Variants in TAOK1 observed in about 807,000 individuals in gnomAD.
The protein encoded by TAOK1 is serine/threonine-protein kinase TAO1.
Under a neutral mutation model 138.3 loss-of-function variants are expected in TAOK1, and 21 were observed. That is an observed-to-expected ratio of 0.15 (90% CI 0.11 to 0.22). TAOK1 has a LOEUF of 0.22. Among genes scored for constraint, TAOK1 ranks in the 10% least tolerant of loss-of-function variants. The pLI is 1.00. For missense variants in TAOK1, 651 were observed against 1,227.7 expected (o/e 0.53, Z 7.02); for synonymous variants, 361 against 398.4 (o/e 0.91, Z 1.12).
intron 1 of TAOK1, among the ~76,000 whole-genome samples, chr17:29,405,984 C>T (rs984507709): frequency 6.6e-6 from 1 of 152,018 alleles, no homozygotes; most frequent in African/African-American, 2.4e-5. Flanking sequence ...TGCCAGTATA[C>T]AGAAATCAGT....
intron 1 of TAOK1, among the ~76,000 whole-genome samples, chr17:29,397,625 T>TAC (rs1567706666): frequency 2.9e-4 from 18 of 62,498 alleles, no homozygotes; most frequent in Middle Eastern, 8.1e-3. Context: ...TATATATATA[T>TAC]ATATACATGT....
chr17:29,494,223 T>C (rs575282239), intron 10 of TAOK1, among the ~76,000 whole-genome samples: 4 of 152,198 alleles, frequency 2.6e-5, no homozygotes, highest in Middle Eastern at 3.4e-3. Flanking sequence ...ATAATACTTA[T>C]GACTGTGAAA....
chr17:29,395,435 G>A (rs1904563729), intron 1 of TAOK1, among the ~76,000 whole-genome samples: 1 of 152,186 alleles, frequency 6.6e-6, no homozygotes, highest in African/African-American at 2.4e-5. Flanking sequence ...GGAGGCTGAG[G>A]CAGGAGAATC....
intron 17 of TAOK1, among the ~76,000 whole-genome samples, chr17:29,525,895 G>T (rs1224451758): frequency 1.3e-5 from 2 of 152,240 alleles, no homozygotes; most frequent in Non-Finnish European, 2.9e-5. Flanking sequence ...TACTTGGGAG[G>T]TTGAGGCAGG....
intron 1 of TAOK1, among the ~76,000 whole-genome samples, chr17:29,442,253 T>A (rs1256939333): frequency 1.3e-5 from 2 of 151,968 alleles, no homozygotes; most frequent in African/African-American, 4.8e-5. Context: ...CCTAGTTTGC[T>A]TAGGCTGGTC....
intron 1 of TAOK1, among the ~76,000 whole-genome samples, chr17:29,408,988 C>T (rs757663378): frequency 2.6e-5 from 4 of 152,072 alleles, no homozygotes; most frequent in Non-Finnish European, 5.9e-5. Flanking sequence ...GCTGGGATTA[C>T]AGGCATGAGC....
intron 17 of TAOK1, among the ~76,000 whole-genome samples, chr17:29,528,809 C>T (rs1176208462): frequency 7.7e-6 from 1 of 130,020 alleles, no homozygotes; most frequent in African/African-American, 3.1e-5. Flanking sequence ...CACTGCACTC[C>T]AGCCTGAGCA....
chr17:29,447,952 G>A (rs2030133866), intron 1 of TAOK1, among the ~76,000 whole-genome samples: 4 of 120,980 alleles, frequency 3.3e-5, no homozygotes, highest in Admixed American at 2.7e-4. Context: ...CACTGCACCT[G>A]GTCTTTTTTT....
At chr17:29,536,565 A>G (rs2150776097) in intron 19 of TAOK1, among the ~76,000 whole-genome samples, 1 of 151,716 alleles carries the variant, frequency 6.6e-6, no homozygotes, top group South Asian at 2.1e-4. Flanking sequence ...ACGCCACTGC[A>G]CTCCAGCCTG....
In TAOK1 at chr17:29,542,549, A is replaced by C. The variant is rs376522600; in HGVS notation, c.2545-12A>C. ...ATAAATTGGCTTTCATTTTTCTTCC[A>C]ATCTCCAACAGATTGAAGAAGAGAT... On this transcript the variant is annotated splice_polypyrimidine_tract_variant and intron_variant, in intron 19 of 19. Coordinates refer to ENST00000261716, the MANE Select transcript of TAOK1 (RefSeq NM_020791.4). 30 of 1,547,072 alleles carry C rather than the reference A, an allele frequency of 1.9e-5. No homozygotes were observed. Among genetic ancestry groups the C allele is most frequent in the Non-Finnish European group, 2.6e-5 (30 of 1,148,024 alleles).
At chr17:29,493,584 C>T (rs780719950) in intron 10 of TAOK1, among the ~76,000 whole-genome samples, 6 of 151,888 alleles carry the variant, frequency 4.0e-5, no homozygotes, top group Non-Finnish European at 7.4e-5. Flanking sequence ...AGTAGTAACC[C>T]AGCCCACTAG....
At chr17:29,488,435 C>T (rs1223956947) in intron 8 of TAOK1, among the ~76,000 whole-genome samples, 1 of 88,230 alleles carries the variant, frequency 1.1e-5, no homozygotes, top group Non-Finnish European at 3.0e-5. Context: ...CCAGGCGTGG[C>T]AGCGCACTCC....
Position 29,489,770 on chromosome 17 carries a change from A to G in TAOK1, c.749+13A>G. 6.5e-7 allele frequency: 1 copy of G among 1,541,604 alleles called. No individual in the cohort carries two copies. The highest frequency in any genetic ancestry group is 8.9e-7 in the Non-Finnish European group (1 of 1,125,374). ...AGTCTAATGAATGGTGAGTATTGTTAATATATATATTGCTCAGTGTTGAAT... is the reference window on the plus strand; with the variant it reads ...AGTCTAATGAATGGTGAGTATTGTTGATATATATATTGCTCAGTGTTGAAT... On this transcript the variant is annotated intron_variant, in intron 9 of 19. Coordinates refer to ENST00000261716, the MANE Select transcript of TAOK1 (RefSeq NM_020791.4).
At chr17:29,488,231 T>C (rs1330523886) in intron 8 of TAOK1, among the ~76,000 whole-genome samples, 2 of 152,210 alleles carry the variant, frequency 1.3e-5, no homozygotes, top group South Asian at 2.1e-4. Context: ...GGATTACTTA[T>C]AATACCTAAT....
intron 12 of TAOK1, among the ~76,000 whole-genome samples, chr17:29,499,265 C>T (rs1338944554): frequency 7.3e-5 from 10 of 136,712 alleles, no homozygotes. Flanking sequence ...GAGTCTCACT[C>T]TGTCACCCAG....
intron 1 of TAOK1, among the ~76,000 whole-genome samples, chr17:29,413,706 C>T (rs1230947335): frequency 6.6e-6 from 1 of 152,094 alleles, no homozygotes; most frequent in Non-Finnish European, 1.5e-5. Flanking sequence ...AAGCATTTTC[C>T]TTAACCCTCA....
chr17:29,486,751 T>C (rs2031181644), intron 8 of TAOK1, among the ~76,000 whole-genome samples: 1 of 152,246 alleles, frequency 6.6e-6, no homozygotes, highest in East Asian at 1.9e-4. Flanking sequence ...AGATTTTTAA[T>C]TTAATAGTGA....
At chr17:29,392,083 G>A (rs188734449) in intron 1 of TAOK1, among the ~76,000 whole-genome samples, 198 of 152,282 alleles carry the variant, frequency 1.3e-3, no homozygotes, top group African/African-American at 4.5e-3. Flanking sequence ...GGGCATGGTG[G>A]CACGCGCCTG....
In TAOK1 at chr17:29,542,867, A is replaced by G. The variant is rs780626019; in HGVS notation, c.2851A>G (p.Met951Val). The G allele has an allele frequency of 1.1e-5, 17 of 1,614,114 alleles. No individual in the cohort carries two copies. The highest frequency in any genetic ancestry group is 3.3e-5 in the Admixed American group (2 of 60,012). The change falls in exon 20 of 20, where the codon ATG becomes GTG. Residue 951 changes from methionine to valine, a missense_variant. Around this residue, in one of 8 missense-constraint regions of TAOK1, gnomAD observed 108 missense variants for 120.3 expected, o/e 0.90. Transcript: ENST00000261716. ...GCCATGGGGTCACCCTTCAGGGCCA[A>G]TGCAAGGGGTACCTCGAGGTAGCAG... The part of the protein sequence containing the change: ...PQPWGHPSGP[M>V]QGVPRGSSMG...
Sources: gnomAD v4.1 joint callset for allele counts (sites outside exome capture counted in the v4.1 genomes callset) on GRCh38, gnomAD v4.1.1 for gene constraint, gnomAD v4.1.1 regional missense constraint, MANE v1.5 for transcripts, NCBI Gene and HGNC (gene_info 2026-07-23, HGNC 2026-07-21) for gene names.